GABRA3: variants seen among roughly 807,000 people sequenced by gnomAD.
The protein encoded by GABRA3 is gamma-aminobutyric acid type A receptor subunit alpha3, also known as gamma-aminobutyric acid receptor subunit alpha-3.
In GABRA3, 10 loss-of-function variants were observed where a neutral mutation model predicts 30.1. That is an observed-to-expected ratio of 0.33 (90% CI 0.20 to 0.56). The LOEUF is 0.56. GABRA3 is among the 20% of genes least tolerant of loss of function. GABRA3 has a pLI of 0.89. For missense variants in GABRA3, 233 were observed against 392.0 expected (o/e 0.59, Z 3.42); for synonymous variants, 151 against 146.8 (o/e 1.03, Z -0.21).
In GABRA3 at chrX:152,406,163, T is replaced by C. The variant is rs144499031; in HGVS notation, c.-26-41567A>G. On this transcript the variant is annotated intron_variant, in intron 1 of 9. Coordinates refer to ENST00000370314, the MANE Select transcript of GABRA3 (RefSeq NM_000808.4). ...CCCCAGGCTTAAATCACAAGATATATGAGAGAGAGGACCAACAAAACAACC... is the reference window on the plus strand; with the variant it reads ...CCCCAGGCTTAAATCACAAGATATACGAGAGAGAGGACCAACAAAACAACC... 4.1e-3 allele frequency among the ~76,000 whole-genome samples: 446 copies of C among 109,415 alleles called. 1 individual carries two copies. Among genetic ancestry groups the C allele is most frequent in the African/African-American group, 0.014 (410 of 30,016 alleles).
At chrX:152,272,007 A>T (rs1938948640) in intron 4 of GABRA3, among the ~76,000 whole-genome samples, 1 of 112,093 alleles carries the variant, frequency 8.9e-6, no homozygotes, top group South Asian at 3.7e-4. Context: ...AGTTTGCTGC[A>T]GGGGTAGAGC....
intron 1 of GABRA3, among the ~76,000 whole-genome samples, chrX:152,412,509 G>A (rs1157339323): frequency 9.0e-6 from 1 of 111,731 alleles, no homozygotes; most frequent in African/African-American, 3.2e-5. Flanking sequence ...CTATAAAATG[G>A]AATATTATTT....
intron 3 of GABRA3, among the ~76,000 whole-genome samples, chrX:152,295,591 G>A (rs1939514443): frequency 8.9e-6 from 1 of 112,771 alleles, no homozygotes; most frequent in South Asian, 3.6e-4. Context: ...ATTTTTCCAG[G>A]TAGTGTCTTT....
chrX:152,279,362 T>C (rs1168855266), intron 4 of GABRA3, among the ~76,000 whole-genome samples: 1 of 111,992 alleles, frequency 8.9e-6, no homozygotes, highest in Non-Finnish European at 1.9e-5. Flanking sequence ...ATTTATTAAA[T>C]AGGGAATCCT....
intron 5 of GABRA3, among the ~76,000 whole-genome samples, chrX:152,238,051 G>C (rs1326719868): frequency 2.8e-5 from 3 of 107,669 alleles, no homozygotes; most frequent in African/African-American, 1.0e-4. Context: ...TGGTGAGAGA[G>C]GGCATCCCTG....
intron 4 of GABRA3, among the ~76,000 whole-genome samples, chrX:152,274,397 C>CA (rs374769264): frequency 0.015 from 1,572 of 107,106 alleles, 34 homozygotes; most frequent in African/African-American, 0.049. Context: ...CCACCCCCGA[C>CA]AAAAAAAAAT....
intron 3 of GABRA3, among the ~76,000 whole-genome samples, chrX:152,325,785 C>G (rs931062214): frequency 9.0e-6 from 1 of 111,453 alleles, no homozygotes; most frequent in Admixed American, 9.6e-5. Context: ...AAAATCAGAG[C>G]GCCTCTTCTC....
intron 1 of GABRA3, among the ~76,000 whole-genome samples, chrX:152,433,892 A>G (rs1930711249): frequency 8.9e-6 from 1 of 111,807 alleles, no homozygotes; most frequent in Non-Finnish European, 1.9e-5. Flanking sequence ...AAATATAACA[A>G]ATTTATGGAA....
chrX:152,360,489 T>C (rs1412004237), intron 2 of GABRA3, among the ~76,000 whole-genome samples: 4 of 91,696 alleles, frequency 4.4e-5, no homozygotes, highest in East Asian at 3.6e-4. Flanking sequence ...TAGGTGGGAA[T>C]TGAACAATGA....
chrX:152,428,177 C>T (rs1470415071), intron 1 of GABRA3, among the ~76,000 whole-genome samples: 1 of 112,073 alleles, frequency 8.9e-6, no homozygotes. Context: ...TTTGTATAAT[C>T]TCCGCAGGCT....
At chrX:152,271,993 C>A (rs1239819142) in intron 4 of GABRA3, among the ~76,000 whole-genome samples, 1 of 111,749 alleles carries the variant, frequency 8.9e-6, no homozygotes, top group Non-Finnish European at 1.9e-5. Flanking sequence ...GATGTCCAGG[C>A]AGAAGTTTGC....
At chrX:152,436,705 G>A (rs892272858) in intron 1 of GABRA3, among the ~76,000 whole-genome samples, 3 of 111,106 alleles carry the variant, frequency 2.7e-5, no homozygotes, top group Non-Finnish European at 3.8e-5. Context: ...TATATGCCTG[G>A]AACATTACCT....
At chrX:152,224,648 C>G (rs1339040917) in intron 6 of GABRA3, 115 bp downstream of exon 6, 1 of 483,246 alleles carries the variant, frequency 2.1e-6, no homozygotes, top group Non-Finnish European at 3.5e-6. Context: ...TGATACCAGC[C>G]CGGATTAAAG....
At chrX:152,412,716 G>A (rs1187759991) in intron 1 of GABRA3, among the ~76,000 whole-genome samples, 1 of 111,191 alleles carries the variant, frequency 9.0e-6, no homozygotes, top group Non-Finnish European at 1.9e-5. Flanking sequence ...AGAGGGGAAT[G>A]GGGAGTAACT....
chrX:152,288,603 G>A (rs1372232133), intron 3 of GABRA3, among the ~76,000 whole-genome samples: 1 of 111,896 alleles, frequency 8.9e-6, no homozygotes, highest in African/African-American at 3.3e-5. Flanking sequence ...CTGGGTCCTA[G>A]ACACTGAAGA....
At chrX:152,216,585 T>C (rs1242247032) in intron 6 of GABRA3, among the ~76,000 whole-genome samples, 2 of 109,354 alleles carry the variant, frequency 1.8e-5, no homozygotes, top group Non-Finnish European at 3.8e-5. Context: ...ATACATAATC[T>C]AAAATAGATA....
At chrX:152,411,583 T>C (rs1303749406) in intron 1 of GABRA3, among the ~76,000 whole-genome samples, 1 of 111,653 alleles carries the variant, frequency 9.0e-6, no homozygotes, top group African/African-American at 3.3e-5. Context: ...TCAAACTCGT[T>C]CAAACATCTA....
intron 3 of GABRA3, among the ~76,000 whole-genome samples, chrX:152,332,279 T>A (rs1367277548): frequency 1.8e-5 from 2 of 112,292 alleles, no homozygotes; most frequent in African/African-American, 6.5e-5. Context: ...CTCTTCATAA[T>A]GCATAGAAGA....
intron 9 of GABRA3, chrX:152,187,186 G>A (rs762115298): frequency 2.6e-4 from 29 of 111,766 alleles, no homozygotes; most frequent in African/African-American, 8.4e-4. Flanking sequence ...AGTAAGATGA[G>A]AAATAAAAAC....
Sources: allele counts gnomAD v4.1 joint callset (sites outside exome capture counted in the v4.1 genomes callset), GRCh38; gene constraint gnomAD v4.1.1; transcripts MANE v1.5; gene names NCBI Gene and HGNC (gene_info 2026-07-23, HGNC 2026-07-21).